ARHGAP15: variants seen among roughly 807,000 people sequenced by gnomAD.
ARHGAP15 encodes the protein rho GTPase-activating protein 15.
Under a neutral mutation model 63.7 loss-of-function variants are expected in ARHGAP15, and 51 were observed. That is an observed-to-expected ratio of 0.80 (90% CI 0.64 to 1.01). The LOEUF is 1.01. Among genes scored for constraint, ARHGAP15 ranks in the 50% least tolerant of loss-of-function variants. The pLI is 0.00. For missense variants in ARHGAP15, 560 were observed against 564.6 expected (o/e 0.99, Z 0.08); for synonymous variants, 191 against 193.8 (o/e 0.99, Z 0.12).
chr2:143,357,979 G>A (rs1685878077), intron 6 of ARHGAP15, among the ~76,000 whole-genome samples: 1 of 152,134 alleles, frequency 6.6e-6, no homozygotes, highest in South Asian at 2.1e-4. Context: ...GAAAAAAATG[G>A]CATTCATTTT....
chr2:143,498,814 A>AT (rs1345622842), intron 9 of ARHGAP15, among the ~76,000 whole-genome samples: 1 of 152,098 alleles, frequency 6.6e-6, no homozygotes. Context: ...GGAAAGAGGT[A>AT]TTTCTAGCAA....
At chr2:143,193,526 G>C (rs1194608172) in intron 2 of ARHGAP15, 1 of 152,606 alleles carries the variant, frequency 6.6e-6, no homozygotes, top group Non-Finnish European at 1.5e-5. Flanking sequence ...AAATCTCAAA[G>C]AATAAGTGAA....
chr2:143,496,681 A>G (rs956177287), intron 9 of ARHGAP15, among the ~76,000 whole-genome samples: 6 of 152,368 alleles, frequency 3.9e-5, no homozygotes, highest in South Asian at 2.1e-4. Context: ...TTTCTTTCAC[A>G]TTAAATCAAG....
intron 6 of ARHGAP15, among the ~76,000 whole-genome samples, chr2:143,314,823 G>C (rs1378494984): frequency 1.4e-5 from 2 of 145,782 alleles, no homozygotes; most frequent in African/African-American, 5.6e-5. Context: ...AATTGCTCAA[G>C]ATAATGAATG....
intron 11 of ARHGAP15, among the ~76,000 whole-genome samples, chr2:143,579,600 G>A (rs1214213667): frequency 6.6e-6 from 1 of 152,114 alleles, no homozygotes; most frequent in African/African-American, 2.4e-5. Flanking sequence ...CGTCCAAAAA[G>A]AATAAAGGGA....
At chr2:143,378,042 A>T (rs1031511781) in intron 6 of ARHGAP15, among the ~76,000 whole-genome samples, 4 of 152,070 alleles carry the variant, frequency 2.6e-5, no homozygotes. Flanking sequence ...CTTTGGAGAT[A>T]AATGCAGAAA....
intron 10 of ARHGAP15, among the ~76,000 whole-genome samples, chr2:143,539,134 C>T (rs1259895798): frequency 1.3e-5 from 2 of 152,138 alleles, no homozygotes; most frequent in African/African-American, 4.8e-5. Flanking sequence ...AGGAACTTAT[C>T]CACTTCTTCT....
intron 13 of ARHGAP15, among the ~76,000 whole-genome samples, chr2:143,728,563 A>G (rs1315561904): frequency 6.6e-6 from 1 of 152,170 alleles, no homozygotes. Context: ...GTAAGTCTGG[A>G]GTATTCTTCT....
intron 12 of ARHGAP15, among the ~76,000 whole-genome samples, chr2:143,673,836 G>T (rs547009201): frequency 5.3e-4 from 72 of 134,646 alleles, no homozygotes; most frequent in African/African-American, 1.9e-3. Flanking sequence ...ATACAAATGG[G>T]GAAAAGAATA....
chr2:143,746,756 T>C (rs983571162), intron 13 of ARHGAP15, among the ~76,000 whole-genome samples: 2 of 152,158 alleles, frequency 1.3e-5, no homozygotes, highest in Non-Finnish European at 2.9e-5. Context: ...AACAATGTAA[T>C]ACAATCTGAA....
chr2:143,139,749 T>C (rs1558769452), intron 1 of ARHGAP15, among the ~76,000 whole-genome samples: 1 of 152,096 alleles, frequency 6.6e-6, no homozygotes, highest in African/African-American at 2.4e-5. Flanking sequence ...TAAAACATAC[T>C]TTTTCTCAAA....
chr2:143,366,400 T>C (rs1056507624), intron 6 of ARHGAP15, among the ~76,000 whole-genome samples: 3 of 152,122 alleles, frequency 2.0e-5, no homozygotes, highest in Non-Finnish European at 2.9e-5. Flanking sequence ...ACATGAATTT[T>C]CTTAGTTTCT....
chr2:143,155,677 T>C, intron 2 of ARHGAP15, 22 bp downstream of exon 2: 1 of 1,518,208 alleles, frequency 6.6e-7, no homozygotes, highest in Non-Finnish European at 8.8e-7. Context: ...ACCCCAAATA[T>C]CCCAAGTTCC....
intron 12 of ARHGAP15, among the ~76,000 whole-genome samples, chr2:143,627,939 A>G (rs1282858452): frequency 6.6e-6 from 1 of 151,928 alleles, no homozygotes; most frequent in Non-Finnish European, 1.5e-5. Flanking sequence ...CCAGGTATAG[A>G]GCATACTACC....
chr2:143,249,756 T>G (rs1680055711), intron 5 of ARHGAP15, among the ~76,000 whole-genome samples: 1 of 152,242 alleles, frequency 6.6e-6, no homozygotes, highest in East Asian at 1.9e-4. Context: ...CTATTGATTA[T>G]TGTGAATTAT....
At chr2:143,440,927 C>T (rs1689847253) in intron 8 of ARHGAP15, among the ~76,000 whole-genome samples, 1 of 151,988 alleles carries the variant, frequency 6.6e-6, no homozygotes, top group African/African-American at 2.4e-5. Context: ...GGGGGAAGGC[C>T]CAAATATAAT....
chr2:143,506,585 T>C (rs890683926), intron 9 of ARHGAP15, among the ~76,000 whole-genome samples: 1 of 152,204 alleles, frequency 6.6e-6, no homozygotes, highest in Admixed American at 6.5e-5. Flanking sequence ...ACCCTTCCCT[T>C]CCTTTGCTGG....
chr2:143,288,926 A>G (rs960053608), intron 6 of ARHGAP15, among the ~76,000 whole-genome samples: 1 of 152,120 alleles, frequency 6.6e-6, no homozygotes, highest in African/African-American at 2.4e-5. Context: ...GGGACCTTCT[A>G]GATGCAAGGC....
At chr2:143,469,647 G>T (rs1271554385) in intron 8 of ARHGAP15, among the ~76,000 whole-genome samples, 1 of 152,174 alleles carries the variant, frequency 6.6e-6, no homozygotes, top group African/African-American at 2.4e-5. Context: ...ACTGAATTGA[G>T]ATCCACTTTA....
Sources: gnomAD v4.1 joint callset for allele counts (sites outside exome capture counted in the v4.1 genomes callset) on GRCh38, gnomAD v4.1.1 for gene constraint, MANE v1.5 for transcripts, NCBI Gene and HGNC (gene_info 2026-07-23, HGNC 2026-07-21) for gene names.